Variants in EML1 observed in about 807,000 individuals in gnomAD.
EML1 encodes the protein EMAP like 1.
EML1 carries 27 observed loss-of-function variants against 110.4 expected under a neutral mutation model. That is an observed-to-expected ratio of 0.24 (90% CI 0.18 to 0.34). The LOEUF is 0.34. Among genes scored for constraint, EML1 ranks in the 10% least tolerant of loss-of-function variants. EML1 has a pLI of 1.00. For missense variants in EML1, 741 were observed against 1,030.9 expected, an observed-to-expected ratio of 0.72 and a Z score of 3.85; for synonymous variants, 344 against 385.8, an observed-to-expected ratio of 0.89 and a Z score of 1.27.
intron 10 of EML1, among the ~76,000 whole-genome samples, chr14:99,908,094 C>A (rs1295467795): frequency 6.6e-6 from 1 of 152,230 alleles, no homozygotes; most frequent in African/African-American, 2.4e-5. Context: ...TGTGCTCAGG[C>A]GTGAGGTGGG....
chr14:99,937,919 T>C lies in EML1; in HGVS notation c.2191+7T>C. ...TTGGGATTCCATGTTTTTGGTAAGT[T>C]TGCTGCAGATTTCACTGGTTCCAAC... On this transcript the variant is annotated splice_region_variant and intron_variant, in intron 20 of 21. Transcript: ENST00000262233. 2 of 1,612,476 alleles carry C rather than the reference T, an allele frequency of 1.2e-6. No individual in the cohort carries two copies. The highest frequency in any genetic ancestry group is 1.7e-6 in the Non-Finnish European group (2 of 1,178,536).
At chr14:99,758,889 G>T (rs141976762) in intron 1 of EML1, among the ~76,000 whole-genome samples, 1,914 of 152,320 alleles carry the variant, frequency 0.013, 20 homozygotes, top group Non-Finnish European at 0.02. Flanking sequence ...CGGACTCTGG[G>T]TTTGCAAAGA....
chr14:99,773,630 C>T (rs1442344709), exon 1 of EML1: 2 of 152,280 alleles, frequency 1.3e-5, no homozygotes, highest in Non-Finnish European at 2.9e-5. Flanking sequence ...GCTGATTTCA[C>T]TAACTGCAGC....
chr14:99,796,909 ATGTGTG>A (rs369237790), intron 1 of EML1, among the ~76,000 whole-genome samples: 24 of 142,672 alleles, frequency 1.7e-4, no homozygotes, highest in African/African-American at 4.3e-4. Flanking sequence ...TTGTGTGTGT[ATGTGTG>A]TGTGTGTGTG....
chr14:99,805,629 C>T (rs906300626), intron 1 of EML1, among the ~76,000 whole-genome samples: 1 of 152,028 alleles, frequency 6.6e-6, no homozygotes, highest in Non-Finnish European at 1.5e-5. Context: ...CACATGCCAC[C>T]GTGCCCAGCT....
At chr14:99,814,470 G>T (rs1360913758) in intron 1 of EML1, among the ~76,000 whole-genome samples, 3 of 151,964 alleles carry the variant, frequency 2.0e-5, no homozygotes, top group African/African-American at 7.3e-5. Context: ...TTGCTGTGTT[G>T]CCCAGACCAG....
At chr14:99,809,776 G>A (rs529108217) in intron 1 of EML1, 69 of 454,098 alleles carry the variant, frequency 1.5e-4, no homozygotes, top group African/African-American at 8.6e-4. Context: ...GCTTTTAATC[G>A]TTTGTGTTCA....
chr14:99,793,371 G>T, upstream of EML1: 20 of 992,474 alleles, frequency 2.0e-5, no homozygotes, highest in Non-Finnish European at 2.4e-5. Context: ...CCACAGCAGG[G>T]CCGGCCCCAG....
At chr14:99,770,081 C>T (rs1310714652), upstream of EML1, among the ~76,000 whole-genome samples, 5 of 152,210 alleles carry the variant, frequency 3.3e-5, no homozygotes, top group Non-Finnish European at 5.9e-5. Context: ...ACCATTCCCC[C>T]CCATTTCCCC....
intron 1 of EML1, among the ~76,000 whole-genome samples, chr14:99,796,774 G>C (rs1045487243): frequency 6.6e-6 from 1 of 151,970 alleles, no homozygotes; most frequent in East Asian, 1.9e-4. Context: ...TTTCTTCGAG[G>C]CCTCATTTTG....
chr14:99,822,038 T>A (rs1022406148), intron 1 of EML1, among the ~76,000 whole-genome samples: 4 of 152,072 alleles, frequency 2.6e-5, no homozygotes, highest in Non-Finnish European at 4.4e-5. Context: ...GCCTGGTGTG[T>A]GAGATGAGGG....
At position 99,939,340 on chromosome 14, in the gene EML1, T is replaced by G; in HGVS notation, c.2322+13T>G. Reference sequence around the variant, plus strand: ...CTCGCAGTTCAGGGTAAAGGACTTGTTTCTTCACTAATCTTATCCCCCATG... The same window carrying G: ...CTCGCAGTTCAGGGTAAAGGACTTGGTTCTTCACTAATCTTATCCCCCATG... On this transcript the variant is annotated intron_variant, in intron 21 of 21. Coordinates refer to ENST00000262233, the MANE Select transcript of EML1 (RefSeq NM_004434.3). This position sits in a 1 kb window ranked among gnomAD's most constrained non-coding sequence, Gnocchi z 4.2. 1 of 1,614,072 alleles carries G rather than the reference T, an allele frequency of 6.2e-7. No homozygotes were observed. The highest frequency in any genetic ancestry group is 8.5e-7 in the Non-Finnish European group (1 of 1,179,970).
At chr14:99,866,425 C>T (rs1368794140) in intron 3 of EML1, among the ~76,000 whole-genome samples, 2 of 152,126 alleles carry the variant, frequency 1.3e-5, no homozygotes, top group African/African-American at 4.8e-5. Flanking sequence ...CAAAAATTAT[C>T]TGAGCGTGGT....
intron 4 of EML1, among the ~76,000 whole-genome samples, chr14:99,879,142 C>T (rs2059344447): frequency 1.3e-5 from 2 of 152,042 alleles, no homozygotes; most frequent in South Asian, 4.1e-4. Context: ...ACGTGGACTC[C>T]AAATTTTTGA....
At chr14:99,751,123 T>TGCTA (rs1030398051) in intron 1 of EML1, among the ~76,000 whole-genome samples, 11 of 152,158 alleles carry the variant, frequency 7.2e-5, no homozygotes, top group African/African-American at 2.7e-4. Flanking sequence ...AAGCACCTAC[T>TGCTA]GCTAGCCAGG....
intron 1 of EML1, among the ~76,000 whole-genome samples, chr14:99,815,672 C>T (rs2058155707): frequency 6.6e-6 from 1 of 152,134 alleles, no homozygotes; most frequent in African/African-American, 2.4e-5. Context: ...AGAAAAACAA[C>T]TTTGATTGGA....
chr14:99,811,091 C>G (rs1452215814), intron 1 of EML1, among the ~76,000 whole-genome samples: 1 of 148,744 alleles, frequency 6.7e-6, no homozygotes, highest in East Asian at 1.9e-4. Context: ...ACCTCATACA[C>G]GGTTGACCCT....
rs757320455 is a variant in EML1 at position 99,940,243 on chromosome 14, T to C, written c.*131T>C. 1.3e-5 allele frequency: 17 copies of C among 1,263,362 alleles called. No homozygotes were observed. In the Middle Eastern group the frequency reaches 1.2e-3, roughly 88 times the overall value. The allele number at this position is 1,263,362 out of a possible 1,614,324, so 78.3% of individuals were successfully genotyped here. ...CAGGAAAACTGTGCCCTCCGCCGGC[T>C]ACCTTAGCTTAGCGTGTCAGCGGGC... On this transcript the variant is annotated 3_prime_UTR_variant, in exon 22 of 22. Transcript: ENST00000262233.
At chr14:99,859,075 T>G (rs1277155620) in intron 2 of EML1, among the ~76,000 whole-genome samples, 1 of 152,238 alleles carries the variant, frequency 6.6e-6, no homozygotes, top group Non-Finnish European at 1.5e-5. Flanking sequence ...TTTATTCATA[T>G]CAACTGTAGT....
Sources: allele counts gnomAD v4.1 joint callset (sites outside exome capture counted in the v4.1 genomes callset), GRCh38; gene constraint gnomAD v4.1.1; non-coding constraint Gnocchi (gnomAD v3.1); transcripts MANE v1.5; gene names NCBI Gene and HGNC (gene_info 2026-07-23, HGNC 2026-07-21).